CERS4: variants seen among roughly 807,000 people sequenced by gnomAD.
The protein encoded by CERS4 is ceramide synthase 4.
A neutral mutation model predicts 51.8 loss-of-function variants in CERS4; 65 were observed. The ratio of observed to expected loss-of-function variants is 1.26; its 90% CI spans 1.03 to 1.54. The LOEUF is 1.54. CERS4 is among the 40% of genes most tolerant of loss of function. The probability of loss-of-function intolerance (pLI) is 0.00; values close to 1 mark genes in which losing one functional copy is unlikely to be tolerated. For synonymous variants in CERS4, 228 were observed against 208.4 expected, an observed-to-expected ratio of 1.09 and a Z score of -0.81; for missense variants, 563 against 500.4, an observed-to-expected ratio of 1.13 and a Z score of -1.19.
chr19:8,262,197 T>C lies in CERS4; in HGVS notation c.*88T>C, dbSNP rs979017101. ...CTGGACTGGCGCCCCTGGGCCACCT[T>C]TCTGGAGACAGGGAGGGCCCCACCC... On this transcript the variant is annotated 3_prime_UTR_variant, in exon 12 of 12. Coordinates refer to ENST00000251363, the MANE Select transcript of CERS4 (RefSeq NM_024552.3). 11 of 1,345,640 alleles carry C rather than the reference T, an allele frequency of 8.2e-6. No individual in the cohort carries two copies. In the Admixed American group the frequency reaches 2.1e-4, roughly 25 times the overall value. 83.4% of individuals were successfully genotyped at this position (1,345,640 alleles called of 1,614,324 possible).
rs35780221 is a variant in CERS4 at position 8,219,662 on chromosome 19, C to CAA, written c.-2+8806_-2+8807dup. ...TGAAATCCCGTCTCTACTAAAAATACAAAAAAATTAGCCAGGTGTGGTGGC... is the reference window on the plus strand; with the variant it reads ...TGAAATCCCGTCTCTACTAAAAATACAAAAAAAAATTAGCCAGGTGTGGTGGC... On this transcript the variant is annotated intron_variant, in intron 2 of 11. Transcript: ENST00000251363. Among the ~76,000 whole-genome samples the CAA allele has an allele frequency of 2.7e-3, 416 of 151,856 alleles. 1 individual carries two copies. Among genetic ancestry groups the CAA allele is most frequent in the African/African-American group, 9.7e-3 (402 of 41,432 alleles).
chr19:8,249,433 C>G (rs1416026067), intron 2 of CERS4, among the ~76,000 whole-genome samples: 1 of 151,998 alleles, frequency 6.6e-6, no homozygotes, highest in Non-Finnish European at 1.5e-5. Flanking sequence ...AGCTGCCCCA[C>G]CTCGACCGCC....
intron 2 of CERS4, among the ~76,000 whole-genome samples, chr19:8,241,004 TG>T (rs917394232): frequency 1.3e-4 from 17 of 126,988 alleles, no homozygotes; most frequent in African/African-American, 5.1e-4. Context: ...CAGCCAGGCT[TG>T]GGGGCGGGTG....
chr19:8,256,578 C>A, intron 7 of CERS4, 40 bp from the exon 8 acceptor site: 2 of 1,570,140 alleles, frequency 1.3e-6, no homozygotes, highest in South Asian at 1.2e-5. Flanking sequence ...CGATTGGAGC[C>A]TTCGCTCCCC....
intron 2 of CERS4, chr19:8,239,442 G>A (rs1056256226): frequency 1.3e-5 from 2 of 152,130 alleles, no homozygotes; most frequent in African/African-American, 4.8e-5. Flanking sequence ...TGCATGATTA[G>A]CTTCTAGTAC....
At chr19:8,240,796 C>G (rs1364841210) in intron 2 of CERS4, among the ~76,000 whole-genome samples, 1 of 152,156 alleles carries the variant, frequency 6.6e-6, no homozygotes, top group Non-Finnish European at 1.5e-5. Context: ...GGGAACCAGT[C>G]CTTCTCACTC....
chr19:8,254,847 A>G (rs937767577), intron 4 of CERS4, among the ~76,000 whole-genome samples: 1 of 147,970 alleles, frequency 6.8e-6, no homozygotes, highest in Non-Finnish European at 1.5e-5. Context: ...ATGGAGCCCC[A>G]CCCTTCCAGC....
Position 8,251,216 on chromosome 19 carries a change from T to TG in CERS4, c.142dup (p.Val48GlyfsTer10). 4.3e-6 allele frequency: 7 copies of TG among 1,610,948 alleles called. No individual in the cohort carries two copies. The highest frequency in any genetic ancestry group is 5.9e-6 in the Non-Finnish European group (7 of 1,178,668). On this transcript the variant is annotated frameshift_variant, in exon 3 of 12. Coordinates refer to ENST00000251363, the MANE Select transcript of CERS4 (RefSeq NM_024552.3). LOFTEE classifies it high-confidence loss of function. ...TTGTTGGCAGCCCTGCCCCTGGCGC[T>TG]GGTCCTCCTGGCCATGCGCCTTGCC...
At chr19:8,252,669 C>T (rs956015912) in intron 3 of CERS4, among the ~76,000 whole-genome samples, 1 of 152,112 alleles carries the variant, frequency 6.6e-6, no homozygotes, top group African/African-American at 2.4e-5. Context: ...AAACTCCTGA[C>T]GTCAGGTGAT....
chr19:8,230,115 A>G (rs1008126092), intron 2 of CERS4, among the ~76,000 whole-genome samples: 2 of 152,128 alleles, frequency 1.3e-5, no homozygotes, highest in Non-Finnish European at 2.9e-5. Context: ...ATTTTTTCAA[A>G]TATTTCACCT....
intron 2 of CERS4, among the ~76,000 whole-genome samples, chr19:8,245,122 A>C (rs140106918): frequency 2.2e-4 from 28 of 129,266 alleles, no homozygotes; most frequent in Admixed American, 3.1e-4. Context: ...AAAAAAAAAA[A>C]AAAAAAAAAA....
At chr19:8,219,163 T>C (rs1967427677) in intron 2 of CERS4, among the ~76,000 whole-genome samples, 1 of 152,198 alleles carries the variant, frequency 6.6e-6, no homozygotes, top group Admixed American at 6.5e-5. Flanking sequence ...GCCTAGATCG[T>C]GCCATTGTAC....
chr19:8,257,807 C>T (rs1336324432), intron 9 of CERS4, 72 bp from the exon 10 acceptor site: 2 of 1,186,902 alleles, frequency 1.7e-6, no homozygotes, highest in East Asian at 2.3e-5. Flanking sequence ...CACCTGGTCC[C>T]ATCCTATAGC....
intron 2 of CERS4, chr19:8,250,498 C>A (rs149667993): frequency 4.0e-3 from 612 of 152,722 alleles, no homozygotes; most frequent in Middle Eastern, 0.01. Flanking sequence ...GTTCTGTCAC[C>A]CAGGCTGCAG....
chr19:8,217,688 C>G (rs1967360422), intron 2 of CERS4, among the ~76,000 whole-genome samples: 1 of 151,962 alleles, frequency 6.6e-6, no homozygotes, highest in Non-Finnish European at 1.5e-5. Context: ...AGGTGCCCAC[C>G]ACCACGCCTG....
At position 8,256,978 on chromosome 19, in the gene CERS4, C is replaced by T. The variant is rs375659893; in HGVS notation, c.642C>T (p.Phe214=). The T allele has an allele frequency of 3.1e-5, 50 of 1,614,026 alleles. No individual in the cohort carries two copies. The highest frequency in any genetic ancestry group is 1.1e-4 in the African/African-American group (8 of 74,934). The change falls in exon 9 of 12, where the codon TTC becomes TTT. Residue 214 remains phenylalanine (F), a synonymous_variant. Coordinates refer to ENST00000251363, the MANE Select transcript of CERS4 (RefSeq NM_024552.3). ...KDFKEQVIHH[F]VAVILMTFSY... The stretch of plus-strand genomic sequence containing the variant: ...TCAAGGAGCAGGTGATACACCACTT[C>T]GTGGCGGTCATCCTGATGACCTTCT...
intron 7 of CERS4, 128 bp downstream of exon 7, chr19:8,256,414 T>A: frequency 8.7e-7 from 1 of 1,155,720 alleles, no homozygotes; most frequent in Non-Finnish European, 1.2e-6. Flanking sequence ...CGCTCTTTGA[T>A]TCCTCTGGGG....
chr19:8,218,561 G>T (rs1156841277), intron 2 of CERS4, among the ~76,000 whole-genome samples: 1 of 152,152 alleles, frequency 6.6e-6, no homozygotes, highest in Non-Finnish European at 1.5e-5. Flanking sequence ...AGTGCGTTCG[G>T]CCAGGTCACA....
Position 8,261,911 on chromosome 19 carries a change from C to T in CERS4, c.1006-19C>T. 6.2e-7 allele frequency: 1 copy of T among 1,610,342 alleles called. No individual in the cohort carries two copies. Among genetic ancestry groups the T allele is most frequent in the East Asian group, 2.2e-5 (1 of 44,788 alleles). On this transcript the variant is annotated intron_variant, in intron 11 of 11. Transcript: ENST00000251363. ...CCTTCCTCCCTGCTCTGAGCTCCAT[C>T]CCTCTCTCTGTTCCCCAGATGGAGA...
Sources: allele counts gnomAD v4.1 joint callset (sites outside exome capture counted in the v4.1 genomes callset), GRCh38; gene constraint gnomAD v4.1.1; transcripts MANE v1.5; gene names NCBI Gene and HGNC (gene_info 2026-07-23, HGNC 2026-07-21).